The following GABRB2 variants were observed in gnomAD, a reference collection of about 807,000 sequenced individuals.
GABRB2 encodes gamma-aminobutyric acid receptor subunit beta-2.
A neutral mutation model predicts 54.7 loss-of-function variants in GABRB2; 16 were observed. The ratio of observed to expected loss-of-function variants is 0.29; its 90% CI spans 0.20 to 0.44. The LOEUF is 0.44. GABRB2 is among the 20% of genes least tolerant of loss of function. The pLI is 1.00. For missense variants in GABRB2, 355 were observed against 644.0 expected (o/e 0.55, Z 4.86); for synonymous variants, 244 against 233.8 (o/e 1.04, Z -0.40).
intron 4 of GABRB2, among the ~76,000 whole-genome samples, chr5:161,430,153 A>G (rs936067582): frequency 2.0e-5 from 3 of 152,092 alleles, no homozygotes; most frequent in Non-Finnish European, 4.4e-5. Flanking sequence ...TAATTGAAAC[A>G]GAGAGTTAGC....
intron 3 of GABRB2, among the ~76,000 whole-genome samples, chr5:161,463,048 C>T (rs990606450): frequency 9.2e-5 from 14 of 151,996 alleles, no homozygotes; most frequent in African/African-American, 3.4e-4. Context: ...ACGTTATCAC[C>T]ACCCGAGAAG....
intron 4 of GABRB2, among the ~76,000 whole-genome samples, chr5:161,425,590 T>A (rs1756975631): frequency 6.6e-6 from 1 of 152,126 alleles, no homozygotes; most frequent in Non-Finnish European, 1.5e-5. Flanking sequence ...TAAGCATAAC[T>A]TTTTGTGCAT....
chr5:161,425,077 G>A (rs578005413), intron 4 of GABRB2, among the ~76,000 whole-genome samples: 1 of 152,240 alleles, frequency 6.6e-6, no homozygotes, highest in Admixed American at 6.5e-5. Flanking sequence ...TAAGGATTGA[G>A]AATTTTTTTC....
intron 5 of GABRB2, among the ~76,000 whole-genome samples, chr5:161,369,261 C>T (rs1293152356): frequency 6.6e-6 from 1 of 152,158 alleles, no homozygotes; most frequent in African/African-American, 2.4e-5. Flanking sequence ...CTGGCAGCTC[C>T]TGCTGTGAGA....
Position 161,404,282 on chromosome 5 carries a change from A to G in GABRB2, c.541+6693T>C, listed in dbSNP as rs536156661. 2.6e-5 allele frequency among the ~76,000 whole-genome samples: 4 copies of G among 152,270 alleles called. No individual in the cohort carries two copies. In the East Asian group the frequency reaches 7.7e-4, roughly 29 times the overall value. ...ACTGGACACAATTCAAGAAAATATCAAAATAGGACAGTGATGCAAATTAAA... is the reference window on the plus strand; with the variant it reads ...ACTGGACACAATTCAAGAAAATATCGAAATAGGACAGTGATGCAAATTAAA... On this transcript the variant is annotated intron_variant, in intron 5 of 9. Coordinates refer to ENST00000393959, the MANE Select transcript of GABRB2 (RefSeq NM_001371727.1).
At chr5:161,364,886 G>C (rs529739704) in intron 5 of GABRB2, among the ~76,000 whole-genome samples, 4 of 151,992 alleles carry the variant, frequency 2.6e-5, no homozygotes, top group Non-Finnish European at 5.9e-5. Flanking sequence ...CAGCCATTCC[G>C]TAAGTACTTT....
chr5:161,475,653 A>C (rs1758570166), intron 3 of GABRB2, among the ~76,000 whole-genome samples: 1 of 152,024 alleles, frequency 6.6e-6, no homozygotes, highest in Non-Finnish European at 1.5e-5. Flanking sequence ...AAGATGGTTC[A>C]ACATATGAAA....
rs1405964262 is a variant in GABRB2, at chr5:161,288,944, T to C, written c.*5137A>G. ...ATGACGATGGTTGAACTCAAATTAT[T>C]GAACCAAAAACAAAAACAAAAACAA... On this transcript the variant is annotated 3_prime_UTR_variant, in exon 10 of 10. Transcript: ENST00000393959. 6.6e-6 allele frequency: 1 copy of C among 152,116 alleles called. No homozygotes were observed. The highest frequency in any genetic ancestry group is 1.5e-5 in the Non-Finnish European group (1 of 68,024). The allele number at this position is 152,116 out of a possible 1,614,324, so 9.4% of individuals were successfully genotyped here. A position where few individuals can be genotyped will look rare whatever the true frequency, so the allele number is the denominator to read the frequency against.
chr5:161,334,206 A>G (rs1177865138), intron 7 of GABRB2, among the ~76,000 whole-genome samples: 2 of 152,174 alleles, frequency 1.3e-5, no homozygotes, highest in Non-Finnish European at 2.9e-5. Flanking sequence ...ATGTTCATGA[A>G]ATGTAATTTA....
At chr5:161,421,757 C>T (rs1016946518) in intron 4 of GABRB2, among the ~76,000 whole-genome samples, 7 of 152,022 alleles carry the variant, frequency 4.6e-5, no homozygotes, top group African/African-American at 1.4e-4. Context: ...ATGAAGAAAA[C>T]AAAACGAGTC....
rs184493255 is a variant in GABRB2, at chr5:161,416,909, T to C, written c.459-5852A>G. Among the ~76,000 whole-genome samples the C allele has an allele frequency of 3.9e-5, 6 of 151,906 alleles. No individual in the cohort carries two copies. The East Asian group carries it at 1.2e-3, about 29-fold the overall frequency. ...AAAATTAACATGTTAAAAAGGCCAA[T>C]TATAAAAAATATATTGATATATATT... On this transcript the variant is annotated intron_variant, in intron 4 of 9. Transcript: ENST00000393959.
At chr5:161,520,802 T>C (rs1760090385) in intron 3 of GABRB2, among the ~76,000 whole-genome samples, 1 of 152,000 alleles carries the variant, frequency 6.6e-6, no homozygotes, top group Non-Finnish European at 1.5e-5. Flanking sequence ...TCCAGGACTA[T>C]GGACAAAGGA....
At chr5:161,504,925 G>A (rs1209274394) in intron 3 of GABRB2, among the ~76,000 whole-genome samples, 1 of 151,970 alleles carries the variant, frequency 6.6e-6, no homozygotes, top group East Asian at 1.9e-4. Flanking sequence ...ATATGAATAG[G>A]CCAATAACTA....
At chr5:161,395,270 T>G (rs1755959698) in intron 5 of GABRB2, among the ~76,000 whole-genome samples, 1 of 152,116 alleles carries the variant, frequency 6.6e-6, no homozygotes, top group Non-Finnish European at 1.5e-5. Flanking sequence ...TTTCCCCTTC[T>G]ATCTTTCCAT....
chr5:161,337,813 C>G (rs1754036870), intron 5 of GABRB2, among the ~76,000 whole-genome samples: 2 of 152,020 alleles, frequency 1.3e-5, no homozygotes, highest in South Asian at 2.1e-4. Context: ...AAATAAAAAG[C>G]ATATGTCACA....
chr5:161,408,513 G>T (rs1474654015), intron 5 of GABRB2, among the ~76,000 whole-genome samples: 1 of 152,074 alleles, frequency 6.6e-6, no homozygotes, highest in Admixed American at 6.6e-5. Flanking sequence ...GTGAATGAAT[G>T]AATGAACAAT....
intron 9 of GABRB2, among the ~76,000 whole-genome samples, chr5:161,313,365 C>T (rs561475634): frequency 3.9e-4 from 60 of 152,042 alleles, no homozygotes; most frequent in African/African-American, 1.4e-3. Context: ...CTTTGCGCCC[C>T]TCCCCACTAC....
intron 5 of GABRB2, among the ~76,000 whole-genome samples, chr5:161,358,429 G>C (rs1005604710): frequency 6.6e-6 from 1 of 152,110 alleles, no homozygotes; most frequent in Non-Finnish European, 1.5e-5. Flanking sequence ...AAAAAAAAGT[G>C]GGGGGAATAA....
At chr5:161,490,348 G>A (rs1030895713) in intron 3 of GABRB2, among the ~76,000 whole-genome samples, 3 of 151,582 alleles carry the variant, frequency 2.0e-5, no homozygotes, top group Non-Finnish European at 3.0e-5. Context: ...GAGAATTCAG[G>A]GTTAGAGCCT....
Sources: allele counts gnomAD v4.1 joint callset (sites outside exome capture counted in the v4.1 genomes callset), GRCh38; gene constraint gnomAD v4.1.1; transcripts MANE v1.5; gene names NCBI Gene and HGNC (gene_info 2026-07-23, HGNC 2026-07-21).